The following NUP88 variants were observed in gnomAD, a reference collection of about 807,000 sequenced individuals.
The protein encoded by NUP88 is nucleoporin 88.
Under a neutral mutation model 93.9 loss-of-function variants are expected in NUP88, and 57 were observed. The observed-to-expected ratio is 0.61, with a 90% CI of 0.49 to 0.76. The LOEUF is 0.76. Among genes scored for constraint, NUP88 ranks in the 30% least tolerant of loss-of-function variants. The pLI is 0.00. For synonymous variants in NUP88, 346 were observed against 336.8 expected (o/e 1.03, Z -0.30); for missense variants, 911 against 901.0 (o/e 1.01, Z -0.14).
At chr17:5,404,346 T>C (rs1453319452) in intron 6 of NUP88, 100 bp from the exon 7 acceptor site, 3 of 1,226,440 alleles carry the variant, frequency 2.4e-6, no homozygotes, top group South Asian at 2.8e-5. Flanking sequence ...GGTGCGGCTG[T>C]TCTTGCCTGT....
intron 3 of NUP88, among the ~76,000 whole-genome samples, chr17:5,413,119 C>T (rs1275225810): frequency 2.0e-5 from 3 of 152,204 alleles, no homozygotes; most frequent in Non-Finnish European, 4.4e-5. Flanking sequence ...CTGGGACTAC[C>T]GGCACATGCC....
intron 14 of NUP88, 111 bp downstream of exon 14, chr17:5,387,275 C>CA: frequency 8.0e-7 from 1 of 1,250,648 alleles, no homozygotes; most frequent in South Asian, 1.3e-5. Context: ...AGAGGAGAGG[C>CA]AGGGGGATCA....
chr17:5,405,909 ACACACTTAAAT>A (rs1393477811), intron 5 of NUP88, among the ~76,000 whole-genome samples: 1 of 152,256 alleles, frequency 6.6e-6, no homozygotes, highest in Non-Finnish European at 1.5e-5. Flanking sequence ...TTTTCAAAAT[ACACACTTAAAT>A]GAGAGCCTGT....
At chr17:5,389,958 G>A (rs1912305707) in intron 10 of NUP88, among the ~76,000 whole-genome samples, 1 of 151,892 alleles carries the variant, frequency 6.6e-6, no homozygotes. Flanking sequence ...CTGAGGTCAG[G>A]AGTTCAGGAC....
At chr17:5,403,732 T>C (rs1018392920) in intron 7 of NUP88, among the ~76,000 whole-genome samples, 3 of 152,178 alleles carry the variant, frequency 2.0e-5, no homozygotes, top group African/African-American at 7.2e-5. Flanking sequence ...ATCTTAGCTG[T>C]TGTGAATAAC....
chr17:5,387,341 T>C (rs375889408), intron 14 of NUP88, 45 bp downstream of exon 14: 7 of 1,515,616 alleles, frequency 4.6e-6, no homozygotes, highest in Non-Finnish European at 6.4e-6. Flanking sequence ...TAAATATCGT[T>C]GTTAGTACCT....
At position 5,410,605 on chromosome 17, in the gene NUP88, C is replaced by T; in HGVS notation, c.680+98G>A. 12 of 713,440 alleles carry T rather than the reference C, an allele frequency of 1.7e-5. No homozygotes were observed. In the South Asian group the frequency reaches 1.9e-4, roughly 11 times the overall value. 44.2% of individuals were successfully genotyped at this position (713,440 alleles called of 1,614,324 possible). A position where few individuals can be genotyped will look rare whatever the true frequency, so the allele number is the denominator to read the frequency against. On this transcript the variant is annotated intron_variant, in intron 4 of 16. Transcript: ENST00000573584. ...TACTTCTCACATTACCAAAAGCATG[C>T]TAGTCACCTCTGAAAAACCTTGCAA...
chr17:5,391,309 T>C (rs937378173), intron 10 of NUP88, among the ~76,000 whole-genome samples: 3 of 152,134 alleles, frequency 2.0e-5, no homozygotes, highest in African/African-American at 7.2e-5. Context: ...AATTTTAGTA[T>C]TTTTTCTCCA....
At chr17:5,391,409 GAA>G in intron 10 of NUP88, 150 bp downstream of exon 10, 1 of 618,214 alleles carries the variant, frequency 1.6e-6, no homozygotes, top group South Asian at 1.9e-5. Flanking sequence ...ATGATGGCAG[GAA>G]CAGAAATATC....
chr17:5,387,428 T>C lies in NUP88; in HGVS notation c.1874A>G (p.Lys625Arg). ...LREMAERLAD[K>R]YEEAKEKQED... is the part of the protein sequence containing the mutation. The stretch of plus-strand genomic sequence containing the variant: ...TTGTTTTTCTTTAGCTTCCTCATAT[T>C]TGTCAGCTAAACGCTCAGCCATTTC... The change falls in exon 14 of 17, where the codon AAA (lysine) becomes AGA (arginine). Residue 625 changes from lysine (K) to arginine (R), a missense_variant. Coordinates refer to ENST00000573584, the MANE Select transcript of NUP88 (RefSeq NM_002532.6). The C allele has an allele frequency of 6.2e-7, 1 of 1,614,186 alleles. No homozygotes were observed. The highest frequency in any genetic ancestry group is 8.5e-7 in the Non-Finnish European group (1 of 1,180,014).
chr17:5,389,651 C>G (rs1912281038), intron 10 of NUP88, among the ~76,000 whole-genome samples: 2 of 151,592 alleles, frequency 1.3e-5, no homozygotes, highest in African/African-American at 4.9e-5. Flanking sequence ...TGGCACACAT[C>G]TGTAATCCCA....
At chr17:5,404,855 CAAGT>C in intron 6 of NUP88, among the ~76,000 whole-genome samples, 198 bp downstream of exon 6, 1 of 152,282 alleles carries the variant, frequency 6.6e-6, no homozygotes, top group South Asian at 2.1e-4. Flanking sequence ...ACTGGTGGAC[CAAGT>C]AAGTTGGGCA....
chr17:5,387,520 C>T, intron 13 of NUP88, 54 bp from the exon 14 acceptor site: 2 of 1,587,760 alleles, frequency 1.3e-6, no homozygotes, highest in Non-Finnish European at 1.7e-6. Context: ...ATGCTGAAAC[C>T]ACCTAATGTG....
intron 9 of NUP88, 129 bp downstream of exon 9, chr17:5,394,762 T>C (rs1912663990): frequency 6.1e-6 from 4 of 657,526 alleles, no homozygotes; most frequent in South Asian, 3.6e-5. Flanking sequence ...AGGGGAGAAG[T>C]ATCACGTCTG....
chr17:5,387,369 T>TTA lies in NUP88; in HGVS notation c.1916+15_1916+16dup. On this transcript the variant is annotated intron_variant, in intron 14 of 16. Transcript: ENST00000573584. ...TAGTACCTGACTAGGTAACTAAATG[T>TTA]TATACAGCCCACTGACCTGTTCATG... 6.2e-7 allele frequency: 1 copy of TTA among 1,603,688 alleles called. No homozygotes were observed. The highest frequency in any genetic ancestry group is 8.5e-7 in the Non-Finnish European group (1 of 1,170,724).
Position 5,394,894 on chromosome 17 carries a change from C to A in NUP88, c.1379G>T (p.Cys460Phe). The change falls in exon 9 of 17, where the codon TGC becomes TTC. Residue 460 changes from cysteine (C) to phenylalanine (F), a missense_variant. Transcript: ENST00000573584. ...EHILCTKPLP[C>F]RQPAPIRGFW... Reference sequence around the variant, plus strand: ...ACAAGGGAGGGAGAGTCCTTACCTGCAGGGCAATGGCTTCGTACAAAGGAT... The same window carrying A: ...ACAAGGGAGGGAGAGTCCTTACCTGAAGGGCAATGGCTTCGTACAAAGGAT... The A allele has an allele frequency of 1.2e-6, 2 of 1,609,436 alleles. No homozygotes were observed. Among genetic ancestry groups the A allele is most frequent in the Non-Finnish European group, 1.7e-6 (2 of 1,175,772 alleles).
chr17:5,394,022 A>G (rs1249393864), intron 9 of NUP88, among the ~76,000 whole-genome samples: 1 of 152,156 alleles, frequency 6.6e-6, no homozygotes, highest in Non-Finnish European at 1.5e-5. Flanking sequence ...GAGAGAGAGC[A>G]GATTTGGAAA....
chr17:5,393,530 G>A (rs1276022093), intron 9 of NUP88, among the ~76,000 whole-genome samples: 2 of 146,492 alleles, frequency 1.4e-5, no homozygotes, highest in East Asian at 2.1e-4. Context: ...TGTGCTGCCC[G>A]GGTTCAAGCA....
chr17:5,390,932 A>G (rs1176486487), intron 10 of NUP88, among the ~76,000 whole-genome samples: 1 of 152,112 alleles, frequency 6.6e-6, no homozygotes, highest in Non-Finnish European at 1.5e-5. Context: ...TGGGCCTCCC[A>G]AAGCATTGGG....
Sources: allele counts gnomAD v4.1 joint callset (sites outside exome capture counted in the v4.1 genomes callset), GRCh38; gene constraint gnomAD v4.1.1; transcripts MANE v1.5; gene names NCBI Gene and HGNC (gene_info 2026-07-23, HGNC 2026-07-21).